The following DNAH14 variants were observed in gnomAD, a reference collection of about 807,000 sequenced individuals.
DNAH14 encodes axonemal beta dynein heavy chain 14.
In DNAH14, 478 loss-of-function variants were observed where a neutral mutation model predicts 520.9. The ratio of observed to expected loss-of-function variants is 0.92; its 90% CI spans 0.85 to 0.99. The LOEUF is 0.99. Ranked by LOEUF, DNAH14 falls within the 50% of genes least tolerant of loss-of-function variation. The pLI, the probability that DNAH14 is intolerant of heterozygous loss-of-function variation, is 0.00. For missense variants in DNAH14, 4,831 were observed against 5,234.5 expected, an observed-to-expected ratio of 0.92 and a Z score of 2.38; for synonymous variants, 1,581 against 1,757.2, an observed-to-expected ratio of 0.90 and a Z score of 2.51.
At chr1:224,994,228 T>A (rs538952521) in intron 8 of DNAH14, among the ~76,000 whole-genome samples, 27 of 152,142 alleles carry the variant, frequency 1.8e-4, no homozygotes, top group African/African-American at 5.3e-4. Context: ...CAATTTTTTT[T>A]ATGAATTTTC....
At position 225,358,594 on chromosome 1, in the gene DNAH14, G is replaced by T. The variant is rs1355212609; in HGVS notation, c.11718G>T (p.Leu3906Phe). 1 of 1,549,260 alleles carries T rather than the reference G, an allele frequency of 6.5e-7. No individual in the cohort carries two copies. The highest frequency in any genetic ancestry group is 8.7e-7 in the Non-Finnish European group (1 of 1,146,142). ...ATCTTCAAAGAACTGGAGTTAATTT[G>T]AAAGATGCATATAAAGGATCCAATG... Reference protein sequence around the residue: ...NKYLQRTGVNLKDAYKGSNAR... With the variant: ...NKYLQRTGVNFKDAYKGSNAR... Residue 3906 changes from leucine to phenylalanine, a missense_variant, in exon 74 of 86, where the codon TTG becomes TTT. By Grantham distance (22) the Leu-to-Phe change is conservative. Coordinates refer to ENST00000682510, the MANE Select transcript of DNAH14 (RefSeq NM_001367479.1).
intron 54 of DNAH14, among the ~76,000 whole-genome samples, chr1:225,288,001 A>C (rs1361009372): frequency 8.5e-5 from 13 of 152,076 alleles, no homozygotes; most frequent in Admixed American, 8.5e-4. Flanking sequence ...ATGAGGGAGA[A>C]TAGACAAATC....
At chr1:225,335,861 A>G (rs62644185) in intron 66 of DNAH14, among the ~76,000 whole-genome samples, 18,313 of 82,172 alleles carry the variant, frequency 0.22, 2,361 homozygotes, top group East Asian at 0.38. Context: ...ATGTACATAT[A>G]TGTACATACA....
chr1:225,064,436 A>G (rs911561892), intron 17 of DNAH14, among the ~76,000 whole-genome samples: 1 of 152,050 alleles, frequency 6.6e-6, no homozygotes, highest in African/African-American at 2.4e-5. Flanking sequence ...TAAAAATGAA[A>G]ACAAGTCCAC....
intron 22 of DNAH14, 68 bp downstream of exon 22, chr1:225,097,307 C>T (rs1310890420): frequency 1.2e-5 from 16 of 1,380,774 alleles, no homozygotes; most frequent in Non-Finnish European, 1.5e-5. Flanking sequence ...TTCTTTAATT[C>T]TTGAGAAATC....
At chr1:225,275,825 C>T (rs2093452915) in intron 52 of DNAH14, 89 bp from the exon 53 acceptor site, 1 of 203,814 alleles carries the variant, frequency 4.9e-6, no homozygotes, top group Non-Finnish European at 1.1e-5. Context: ...GTGCCAGGAG[C>T]TTCTCCAACA....
chr1:225,147,258 C>T lies in DNAH14; in HGVS notation c.4940+9C>T, dbSNP rs368197713. The T allele has an allele frequency of 2.1e-4, 323 of 1,538,270 alleles. No individual in the cohort carries two copies. The highest frequency in any genetic ancestry group is 1.5e-4 in the Non-Finnish European group (172 of 1,143,184). ...GACAACTATTCTGCCAGGTATTTGT[C>T]GAATGTGTTTATACCTTTTGAATTG... On this transcript the variant is annotated intron_variant, in intron 31 of 85. Coordinates refer to ENST00000682510, the MANE Select transcript of DNAH14 (RefSeq NM_001367479.1).
intron 37 of DNAH14, among the ~76,000 whole-genome samples, chr1:225,190,569 A>G (rs1461198623): frequency 2.0e-5 from 3 of 152,114 alleles, no homozygotes; most frequent in African/African-American, 7.2e-5. Context: ...GGATTACAGT[A>G]TATTTGGAGA....
At chr1:225,101,065 A>G (rs1057033136) in intron 23 of DNAH14, among the ~76,000 whole-genome samples, 181 bp downstream of exon 23, 4 of 152,148 alleles carry the variant, frequency 2.6e-5, no homozygotes, top group Non-Finnish European at 5.9e-5. Context: ...GGAAAAGTGT[A>G]TGGACTAATC....
intron 23 of DNAH14, among the ~76,000 whole-genome samples, chr1:225,103,814 T>C (rs909143952): frequency 1.3e-5 from 2 of 152,206 alleles, no homozygotes; most frequent in African/African-American, 2.4e-5. Context: ...GTTTTCTAGA[T>C]ATACAATCAT....
At chr1:225,202,497 C>T (rs531621952) in intron 38 of DNAH14, among the ~76,000 whole-genome samples, 8 of 152,250 alleles carry the variant, frequency 5.3e-5, no homozygotes, top group African/African-American at 1.9e-4. Context: ...ACAGGCCTCA[C>T]CCAGCTCCCA....
chr1:225,335,653 GCATATATA>G, intron 66 of DNAH14, among the ~76,000 whole-genome samples: 1 of 61,526 alleles, frequency 1.6e-5, no homozygotes, highest in Non-Finnish European at 3.1e-5. Flanking sequence ...ATGTATATAC[GCATATATA>G]CATATGTGCA....
chr1:225,367,660 ATGAGATTT>A lies in DNAH14; in HGVS notation c.12091-142_12091-135del, dbSNP rs2095570355. The stretch of plus-strand genomic sequence containing the variant: ...CGTTTTTACATGGCAAAAGAATAAC[ATGAGATTT>A]TGGATTTGCCAGTGAATCTTGAAAA... On this transcript the variant is annotated intron_variant, in intron 76 of 85. Transcript: ENST00000682510. 9.6e-6 allele frequency: 6 copies of A among 627,424 alleles called. No homozygotes were observed. In the East Asian group the frequency reaches 1.6e-4, roughly 17 times the overall value. The allele number at this position is 627,424 out of a possible 1,614,324, so 38.9% of individuals were successfully genotyped here.
At chr1:225,151,840 GCCTCCTA>G in intron 31 of DNAH14, 158 bp from the exon 32 acceptor site, 1 of 719,274 alleles carries the variant, frequency 1.4e-6, no homozygotes, top group Non-Finnish European at 2.5e-6. Flanking sequence ...CTCAGCATGA[GCCTCCTA>G]TTTCTTCTTT....
intron 2 of DNAH14, 115 bp downstream of exon 2, chr1:224,952,894 T>C: frequency 1.4e-6 from 1 of 706,788 alleles, no homozygotes; most frequent in South Asian, 2.4e-5. Context: ...TCAGAATTTA[T>C]TGATGATTCT....
intron 57 of DNAH14, among the ~76,000 whole-genome samples, chr1:225,303,825 C>G (rs2094185434): frequency 6.6e-6 from 1 of 152,138 alleles, no homozygotes; most frequent in African/African-American, 2.4e-5. Context: ...ACTGAACATC[C>G]CATAGGACCT....
chr1:225,006,328 C>A (rs1223446426), intron 9 of DNAH14, among the ~76,000 whole-genome samples: 1 of 152,144 alleles, frequency 6.6e-6, no homozygotes, highest in Admixed American at 6.5e-5. Flanking sequence ...TGAAAAAGAA[C>A]AGGTAACAAT....
chr1:224,976,931 G>A lies in DNAH14; in HGVS notation c.830+2778G>A, dbSNP rs1462321663. 1.4e-3 allele frequency among the ~76,000 whole-genome samples: 215 copies of A among 150,638 alleles called. 3 individuals carry two copies. The highest frequency in any genetic ancestry group is 5.0e-3 in the African/African-American group (205 of 40,936). The stretch of plus-strand genomic sequence containing the variant: ...CAACCATTGTGGAAGTCAGTGTGGC[G>A]ATTCCTCAGGGATCTGGAACTAGAA... On this transcript the variant is annotated intron_variant, in intron 8 of 85. Coordinates refer to ENST00000682510, the MANE Select transcript of DNAH14 (RefSeq NM_001367479.1).
chr1:225,088,295 T>C (rs1243511960), intron 21 of DNAH14, among the ~76,000 whole-genome samples: 1 of 152,170 alleles, frequency 6.6e-6, no homozygotes, highest in Non-Finnish European at 1.5e-5. Flanking sequence ...ATTTATTCCA[T>C]ATGTTAAAAA....
Sources: gnomAD v4.1 joint callset for allele counts (sites outside exome capture counted in the v4.1 genomes callset) on GRCh38, gnomAD v4.1.1 for gene constraint, MANE v1.5 for transcripts, NCBI Gene and HGNC (gene_info 2026-07-23, HGNC 2026-07-21) for gene names.